AGAP1: variants seen among roughly 807,000 people sequenced by gnomAD.
The protein encoded by AGAP1 is arf-GAP with GTPase, ANK repeat and PH domain-containing protein 1.
A neutral mutation model predicts 105.3 loss-of-function variants in AGAP1; 29 were observed. The ratio of observed to expected loss-of-function variants is 0.28; its 90% CI spans 0.21 to 0.38. The LOEUF (loss-of-function observed/expected upper bound fraction) is 0.38. Ranked by LOEUF, AGAP1 falls within the 10% of genes least tolerant of loss-of-function variation. The probability of loss-of-function intolerance (pLI) is 1.00; values close to 1 mark genes in which losing one functional copy is unlikely to be tolerated. For missense variants in AGAP1, 998 were observed against 1,165.1 expected, an observed-to-expected ratio of 0.86 and a Z score of 2.09; for synonymous variants, 509 against 485.9, an observed-to-expected ratio of 1.05 and a Z score of -0.63.
At chr2:235,955,542 CCTT>C (rs1241964215) in intron 12 of AGAP1, among the ~76,000 whole-genome samples, 1 of 152,168 alleles carries the variant, frequency 6.6e-6, no homozygotes, top group Non-Finnish European at 1.5e-5. Context: ...AATTTGGAAT[CCTT>C]CTAAGCAGCT....
At position 236,082,408 on chromosome 2, in the gene AGAP1, G is replaced by A. The variant is rs2058809588; in HGVS notation, c.2114+33127G>A. 6.6e-6 allele frequency among the ~76,000 whole-genome samples: 1 copy of A among 152,192 alleles called. No homozygotes were observed. Among genetic ancestry groups the A allele is most frequent in the South Asian group, 2.1e-4 (1 of 4,828 alleles). Reference sequence around the variant, plus strand: ...CAGGGTCATTAATTAGGCATGTGGTGGGAGCTCACCCACCAGGTCCTGCTA... The same window carrying A: ...CAGGGTCATTAATTAGGCATGTGGTAGGAGCTCACCCACCAGGTCCTGCTA... On this transcript the variant is annotated intron_variant, in intron 16 of 17. Transcript: ENST00000304032. The surrounding 1 kb of genome is among the most constrained non-coding windows in gnomAD (Gnocchi z 4.2).
intron 11 of AGAP1, among the ~76,000 whole-genome samples, chr2:235,921,831 G>C (rs908049532): frequency 6.6e-6 from 1 of 152,216 alleles, no homozygotes; most frequent in South Asian, 2.1e-4. Context: ...ATGTGTCCTT[G>C]GAAAAAAAAT....
chr2:235,913,615 G>T (rs997727273), intron 11 of AGAP1, among the ~76,000 whole-genome samples: 1 of 152,238 alleles, frequency 6.6e-6, no homozygotes, highest in East Asian at 1.9e-4. Context: ...GACTCCGTTT[G>T]TATCTGGTAG....
intron 1 of AGAP1, among the ~76,000 whole-genome samples, chr2:235,508,574 TGAG>T (rs1183810819): frequency 1.3e-5 from 2 of 152,108 alleles, no homozygotes; most frequent in African/African-American, 4.8e-5. Context: ...TTTGATTACA[TGAG>T]GAGGAGGCAC....
rs2050538565 is a variant in AGAP1, at chr2:235,891,509, A to G, written c.1155+8060A>G. Among the ~76,000 whole-genome samples, 1 of 152,294 alleles carries G rather than the reference A, an allele frequency of 6.6e-6. No homozygotes were observed. The highest frequency in any genetic ancestry group is 1.9e-4 in the East Asian group (1 of 5,184). On this transcript the variant is annotated intron_variant, in intron 10 of 17. Transcript: ENST00000304032. The surrounding 1 kb of genome is among the most constrained non-coding windows in gnomAD (Gnocchi z 4.2). ...GACTTAAATGTGAGCCTTAGGGAGC[A>G]CCTTGATAGAAAAATGGAGGCATAA...
chr2:235,688,553 G>A (rs570140676), intron 1 of AGAP1, among the ~76,000 whole-genome samples: 19 of 152,224 alleles, frequency 1.2e-4, no homozygotes, highest in African/African-American at 4.6e-4. Flanking sequence ...GCCAGATCCT[G>A]CCACATGAGA....
At chr2:235,680,308 C>T (rs888782968) in intron 1 of AGAP1, among the ~76,000 whole-genome samples, 3 of 152,124 alleles carry the variant, frequency 2.0e-5, no homozygotes, top group Non-Finnish European at 4.4e-5. Context: ...TAATTTGGCG[C>T]GGGAGAAGTG....
rs576407015 is a variant in AGAP1, at chr2:235,747,691, G to A, written c.539-2663G>A. Among the ~76,000 whole-genome samples, 31 of 152,320 alleles carry A rather than the reference G, an allele frequency of 2.0e-4. No homozygotes were observed. The South Asian group carries it at 5.8e-3, about 29-fold the overall frequency. ...GGGCTCTGAGGGTCCCTGCCGCGAC[G>A]CTTGCTTCCTGCGTGCAGACTTGCT... On this transcript the variant is annotated intron_variant, in intron 5 of 17. Transcript: ENST00000304032. This position sits in a 1 kb window ranked among gnomAD's most constrained non-coding sequence, Gnocchi z 5.0.
intron 16 of AGAP1, among the ~76,000 whole-genome samples, chr2:236,079,951 G>C (rs1222216428): frequency 6.6e-6 from 1 of 152,182 alleles, no homozygotes; most frequent in East Asian, 1.9e-4. Context: ...GAGACTTCAG[G>C]GTCAGAGACA....
intron 16 of AGAP1, among the ~76,000 whole-genome samples, chr2:236,097,293 CGTCT>C (rs1477455905): frequency 2.0e-5 from 3 of 147,274 alleles, no homozygotes; most frequent in Non-Finnish European, 3.0e-5. Context: ...CACACAGTGG[CGTCT>C]GTCTGAGGGA....
intron 1 of AGAP1, among the ~76,000 whole-genome samples, chr2:235,674,574 G>A (rs996978648): frequency 2.0e-5 from 3 of 152,132 alleles, no homozygotes; most frequent in South Asian, 2.1e-4. Context: ...TCTTACTGAG[G>A]TTAGCTTTTA....
In AGAP1 at chr2:236,120,691, G is replaced by T. The variant is rs1260765213; in HGVS notation, c.2370+244G>T. 6.6e-6 allele frequency among the ~76,000 whole-genome samples: 1 copy of T among 152,190 alleles called. No homozygotes were observed. The highest frequency in any genetic ancestry group is 1.5e-5 in the Non-Finnish European group (1 of 68,038). On this transcript the variant is annotated intron_variant, in intron 17 of 17. Coordinates refer to ENST00000304032, the MANE Select transcript of AGAP1 (RefSeq NM_001037131.3). The surrounding 1 kb of genome is among the most constrained non-coding windows in gnomAD (Gnocchi z 6.0). ...TTTGTGATTGCCCCTTATCAAGCAG[G>T]GTTGGTGCTATCCCTCTTTTTTCAT...
At chr2:235,541,693 T>G (rs957299213) in intron 1 of AGAP1, among the ~76,000 whole-genome samples, 1 of 152,186 alleles carries the variant, frequency 6.6e-6, no homozygotes, top group African/African-American at 2.4e-5. Context: ...CCGGCCTCCA[T>G]TCTTAATTTT....
At position 235,891,091 on chromosome 2, in the gene AGAP1, CTGCAGGACTGAGGGGTTCCCAGGG is replaced by C. The variant is rs1402729904; in HGVS notation, c.1155+7652_1155+7675del. On this transcript the variant is annotated intron_variant, in intron 10 of 17. Coordinates refer to ENST00000304032, the MANE Select transcript of AGAP1 (RefSeq NM_001037131.3). The surrounding 1 kb of genome is among the most constrained non-coding windows in gnomAD (Gnocchi z 4.2). ...TGGAGTGGCCAACTGCCCTGGTTTTCTGCAGGACTGAGGGGTTCCCAGGGTGCAGGACTTTCATAGCTAACATCA... is the reference window on the plus strand; with the variant it reads ...TGGAGTGGCCAACTGCCCTGGTTTTCTGCAGGACTTTCATAGCTAACATCA... Among the ~76,000 whole-genome samples the C allele has an allele frequency of 6.6e-6, 1 of 152,160 alleles. No homozygotes were observed. The highest frequency in any genetic ancestry group is 2.4e-5 in the African/African-American group (1 of 41,444).
chr2:235,702,596 C>G (rs142778323), intron 1 of AGAP1, among the ~76,000 whole-genome samples: 1 of 152,196 alleles, frequency 6.6e-6, no homozygotes, highest in Non-Finnish European at 1.5e-5. Context: ...GGATTACTTC[C>G]CATTCTAGAA....
intron 13 of AGAP1, among the ~76,000 whole-genome samples, chr2:235,974,035 T>C (rs913447024): frequency 6.6e-6 from 1 of 152,246 alleles, no homozygotes; most frequent in Admixed American, 6.5e-5. Flanking sequence ...ATGAACGGTC[T>C]CTGCAGTCCC....
chr2:235,687,770 G>C (rs1949528865), intron 1 of AGAP1, among the ~76,000 whole-genome samples: 1 of 151,904 alleles, frequency 6.6e-6, no homozygotes, highest in Non-Finnish European at 1.5e-5. Context: ...TGATGAGGAA[G>C]GTCAGATAAT....
In AGAP1 at chr2:235,797,863, G is replaced by A; in HGVS notation, c.778G>A (p.Val260Met). ...CCATTCCTCCGTCTGTTCCGCGCAG[G>A]TGTCTGCCGTGCACATCAGCCAGGT... ...PSHSSVCSAQ[V>M]SAVHISQTSN... is the part of the protein sequence containing the mutation. The change falls in exon 7 of 18, where the codon GTG becomes ATG. Residue 260 changes from valine to methionine, a missense_variant. Physicochemically the swap from Val to Met is conservative, Grantham distance 21. Around this residue, in one of 3 missense-constraint regions of AGAP1, gnomAD observed 735 missense variants for 833.4 expected, o/e 0.88. Coordinates refer to ENST00000304032, the MANE Select transcript of AGAP1 (RefSeq NM_001037131.3). 1 of 1,614,200 alleles carries A rather than the reference G, an allele frequency of 6.2e-7. No individual in the cohort carries two copies. Among genetic ancestry groups the A allele is most frequent in the Non-Finnish European group, 8.5e-7 (1 of 1,180,034 alleles).
intron 1 of AGAP1, among the ~76,000 whole-genome samples, chr2:235,581,965 C>T (rs1223565408): frequency 6.6e-6 from 1 of 152,190 alleles, no homozygotes; most frequent in Non-Finnish European, 1.5e-5. Context: ...TTTTATTATT[C>T]TGTGTTCACC....
Sources: gnomAD v4.1 joint callset for allele counts (sites outside exome capture counted in the v4.1 genomes callset) on GRCh38, gnomAD v4.1.1 for gene constraint, gnomAD v4.1.1 regional missense constraint, Gnocchi (gnomAD v3.1) non-coding constraint, MANE v1.5 for transcripts, NCBI Gene and HGNC (gene_info 2026-07-23, HGNC 2026-07-21) for gene names.